MYRIP: variants seen among roughly 807,000 people sequenced by gnomAD.
The protein encoded by MYRIP is rab effector MyRIP.
In MYRIP, 49 loss-of-function variants were observed where a neutral mutation model predicts 98.0. The observed-to-expected ratio is 0.50, with a 90% CI of 0.40 to 0.63. The LOEUF (loss-of-function observed/expected upper bound fraction) is 0.63. Among genes scored for constraint, MYRIP ranks in the 30% least tolerant of loss-of-function variants. MYRIP has a pLI of 0.00. For missense variants in MYRIP, 1,004 were observed against 1,058.2 expected, an observed-to-expected ratio of 0.95 and a Z score of 0.71; for synonymous variants, 404 against 409.5, an observed-to-expected ratio of 0.99 and a Z score of 0.16.
At chr3:40,180,709 G>A (rs1027669399) in intron 8 of MYRIP, among the ~76,000 whole-genome samples, 13 of 152,214 alleles carry the variant, frequency 8.5e-5, no homozygotes, top group Non-Finnish European at 1.3e-4. Context: ...TGAAGGGATA[G>A]GAGCAGGTTG....
At chr3:40,168,964 C>T (rs1950555870) in intron 7 of MYRIP, among the ~76,000 whole-genome samples, 1 of 152,190 alleles carries the variant, frequency 6.6e-6, no homozygotes, top group Non-Finnish European at 1.5e-5. Flanking sequence ...CAAGTAGACT[C>T]ACCACACCCA....
chr3:40,213,747 C>T (rs565780803), intron 11 of MYRIP, among the ~76,000 whole-genome samples: 106 of 152,252 alleles, frequency 7.0e-4, no homozygotes, highest in Non-Finnish European at 1.1e-3. Context: ...AGTCCAACTA[C>T]CTGAGGACCT....
intron 3 of MYRIP, 53 bp downstream of exon 3, chr3:40,044,324 C>T (rs1559378300): frequency 6.5e-7 from 1 of 1,530,736 alleles, no homozygotes; most frequent in Non-Finnish European, 9.0e-7. Context: ...GAGAGATTCA[C>T]CTGCCACTTC....
At chr3:40,102,132 T>A (rs1345009676) in intron 3 of MYRIP, among the ~76,000 whole-genome samples, 1 of 152,218 alleles carries the variant, frequency 6.6e-6, no homozygotes, top group Non-Finnish European at 1.5e-5. Flanking sequence ...CACTAATATG[T>A]TTCCTGTGGG....
intron 10 of MYRIP, among the ~76,000 whole-genome samples, chr3:40,199,296 C>T (rs1054583742): frequency 3.9e-5 from 6 of 152,130 alleles, no homozygotes; most frequent in African/African-American, 1.4e-4. Context: ...TCAATGTTGG[C>T]CAATCCTTCA....
intron 3 of MYRIP, among the ~76,000 whole-genome samples, chr3:40,071,432 G>C (rs572081689): frequency 1.3e-5 from 2 of 152,296 alleles, no homozygotes; most frequent in East Asian, 3.9e-4. Context: ...CATAGAGAAT[G>C]GGGTAAAAGC....
chr3:39,904,145 C>G (rs1038028858), intron 2 of MYRIP, among the ~76,000 whole-genome samples: 59 of 152,238 alleles, frequency 3.9e-4, no homozygotes, highest in African/African-American at 1.4e-3. Context: ...AATTTTCTCC[C>G]CCTTTAATAT....
At chr3:39,874,827 C>A (rs1335670462) in intron 1 of MYRIP, among the ~76,000 whole-genome samples, 5 of 152,098 alleles carry the variant, frequency 3.3e-5, no homozygotes, top group Non-Finnish European at 7.4e-5. Flanking sequence ...CTCTGCCCGG[C>A]TTTGGTATCA....
intron 2 of MYRIP, among the ~76,000 whole-genome samples, chr3:39,923,740 T>G (rs933753802): frequency 6.6e-6 from 1 of 152,268 alleles, no homozygotes; most frequent in African/African-American, 2.4e-5. Context: ...GCTTTCTTTA[T>G]CCTTTTCTAA....
rs115684775 is a variant in MYRIP, at chr3:40,007,437, G to A, written c.111-36613G>A. On this transcript the variant is annotated intron_variant, in intron 2 of 16. Transcript: ENST00000302541. ...AAAGGGAATAGAAACGCCAACATAC[G>A]TGAATGCTTCTGGCCTTAGCTCAGG... 1.7e-3 allele frequency among the ~76,000 whole-genome samples: 256 copies of A among 152,206 alleles called. 1 individual carries two copies. Among genetic ancestry groups the A allele is most frequent in the African/African-American group, 5.6e-3 (234 of 41,536 alleles).
chr3:39,949,451 G>T (rs567392569), intron 2 of MYRIP, among the ~76,000 whole-genome samples: 1 of 152,142 alleles, frequency 6.6e-6, no homozygotes, highest in African/African-American at 2.4e-5. Context: ...CTGTATCATG[G>T]TAATAAAATT....
intron 10 of MYRIP, among the ~76,000 whole-genome samples, chr3:40,192,332 T>TATATATGTCAC (rs1553624987): frequency 1.5e-5 from 2 of 131,750 alleles, no homozygotes; most frequent in Admixed American, 7.8e-5. Context: ...ATATGTCATA[T>TATATATGTCAC]ATATATATGT....
intron 1 of MYRIP, among the ~76,000 whole-genome samples, chr3:39,871,835 TG>T (rs1470529116): frequency 1.3e-5 from 2 of 151,966 alleles, no homozygotes; most frequent in Non-Finnish European, 2.9e-5. Flanking sequence ...CAATTTCAAG[TG>T]TTATTAGCAT....
At chr3:39,810,426 G>C (rs542914255) in intron 1 of MYRIP, 215 of 152,958 alleles carry the variant, frequency 1.4e-3, no homozygotes, top group Non-Finnish European at 2.3e-3. Flanking sequence ...GGTGGATTGC[G>C]TCTGGCCCTC....
At position 39,941,754 on chromosome 3, in the gene MYRIP, G is replaced by A. The variant is rs531195956; in HGVS notation, c.110+40828G>A. Among the ~76,000 whole-genome samples, 53 of 151,672 alleles carry A rather than the reference G, an allele frequency of 3.5e-4. 1 individual carries two copies. The highest frequency in any genetic ancestry group is 1.6e-4 in the Non-Finnish European group (11 of 67,888). ...ATTATTCCTTGATTGCTGGATATTC[G>A]GGTTATGATTTTTTATAACATAAAT... On this transcript the variant is annotated intron_variant, in intron 2 of 16. Transcript: ENST00000302541.
At chr3:39,949,343 G>A (rs1363765605) in intron 2 of MYRIP, among the ~76,000 whole-genome samples, 1 of 152,144 alleles carries the variant, frequency 6.6e-6, no homozygotes, top group Non-Finnish European at 1.5e-5. Flanking sequence ...TGTTAGAAAT[G>A]AAGTTTAGTG....
intron 2 of MYRIP, among the ~76,000 whole-genome samples, chr3:39,904,918 G>T (rs1470273313): frequency 6.6e-6 from 1 of 152,178 alleles, no homozygotes; most frequent in East Asian, 1.9e-4. Context: ...GGAAGATAGA[G>T]AATTGATAGG....
chr3:40,217,328 T>G (rs146612782), intron 11 of MYRIP, among the ~76,000 whole-genome samples: 47 of 152,276 alleles, frequency 3.1e-4, no homozygotes, highest in Admixed American at 7.9e-4. Flanking sequence ...TCAAAAATTC[T>G]CAACATATTG....
intron 1 of MYRIP, among the ~76,000 whole-genome samples, chr3:39,854,696 T>C (rs1208205945): frequency 6.6e-6 from 1 of 152,198 alleles, no homozygotes; most frequent in Admixed American, 6.5e-5. Context: ...GTGTGATCTT[T>C]TGGGGTGTTA....
Sources: gnomAD v4.1 joint callset for allele counts (sites outside exome capture counted in the v4.1 genomes callset) on GRCh38, gnomAD v4.1.1 for gene constraint, MANE v1.5 for transcripts, NCBI Gene and HGNC (gene_info 2026-07-23, HGNC 2026-07-21) for gene names.